NSMCE2: variants seen among roughly 807,000 people sequenced by gnomAD.
NSMCE2 encodes the protein E3 SUMO-protein ligase NSE2.
In NSMCE2, 24 loss-of-function variants were observed where a neutral mutation model predicts 23.8. The ratio of observed to expected loss-of-function variants is 1.01; its 90% CI spans 0.73 to 1.42. The LOEUF (loss-of-function observed/expected upper bound fraction) is 1.42. NSMCE2 is among the 40% of genes most tolerant of loss of function. The probability of loss-of-function intolerance (pLI) is 0.00; values close to 1 mark genes in which losing one functional copy is unlikely to be tolerated. For missense variants in NSMCE2, 284 were observed against 296.5 expected (o/e 0.96, Z 0.31); for synonymous variants, 92 against 94.1 (o/e 0.98, Z 0.13).
intron 5 of NSMCE2, among the ~76,000 whole-genome samples, chr8:125,319,013 G>A (rs191869248): frequency 8.1e-4 from 123 of 152,280 alleles, no homozygotes; most frequent in Middle Eastern, 3.4e-3. Context: ...CAAGGCCAGG[G>A]AAAGAGCTAT....
At chr8:125,286,065 C>A (rs1827881859) in intron 5 of NSMCE2, among the ~76,000 whole-genome samples, 1 of 151,858 alleles carries the variant, frequency 6.6e-6, no homozygotes, top group African/African-American at 2.4e-5. Flanking sequence ...CCCTCCAGTG[C>A]CTGGGAGAGT....
At chr8:125,190,193 G>A (rs975407301) in intron 5 of NSMCE2, among the ~76,000 whole-genome samples, 1 of 152,102 alleles carries the variant, frequency 6.6e-6, no homozygotes, top group African/African-American at 2.4e-5. Flanking sequence ...CCTCCTCTCT[G>A]AGTCAGCATC....
At chr8:125,245,411 A>G (rs547532812) in intron 5 of NSMCE2, among the ~76,000 whole-genome samples, 38 of 152,208 alleles carry the variant, frequency 2.5e-4, no homozygotes, top group Non-Finnish European at 4.1e-4. Context: ...AAAGAAACTT[A>G]TCTATAACAC....
chr8:125,168,710 A>G (rs1822022901), intron 4 of NSMCE2, among the ~76,000 whole-genome samples: 1 of 152,164 alleles, frequency 6.6e-6, no homozygotes, highest in Non-Finnish European at 1.5e-5. Flanking sequence ...TCCTAATACC[A>G]TCACCTTAAG....
intron 3 of NSMCE2, chr8:125,130,210 C>T: frequency 2.2e-6 from 1 of 455,084 alleles, no homozygotes. Context: ...ATTTGCGTTA[C>T]AGGTTTTTGG....
intron 4 of NSMCE2, among the ~76,000 whole-genome samples, chr8:125,164,558 G>A (rs1821777591): frequency 6.6e-6 from 1 of 152,122 alleles, no homozygotes; most frequent in African/African-American, 2.4e-5. Context: ...TGTGGCGTGT[G>A]TTAGAGAGGG....
At chr8:125,230,903 T>C (rs770426130) in intron 5 of NSMCE2, among the ~76,000 whole-genome samples, 1 of 152,190 alleles carries the variant, frequency 6.6e-6, no homozygotes, top group Non-Finnish European at 1.5e-5. Flanking sequence ...CAGGGTTTGC[T>C]TACTCTTCAC....
chr8:125,202,593 G>T lies in NSMCE2; in HGVS notation c.418+20337G>T, dbSNP rs186500697. On this transcript the variant is annotated intron_variant, in intron 5 of 7. Transcript: ENST00000287437. ...ATAATGCTAACTAGCCCACAGAGTT[G>T]TTTATGGGTTAAATCAAATATTATA... Among the ~76,000 whole-genome samples, 54 of 152,292 alleles carry T rather than the reference G, an allele frequency of 3.5e-4. 1 individual carries two copies. Among genetic ancestry groups the T allele is most frequent in the Non-Finnish European group, 2.9e-5 (2 of 68,018 alleles).
At chr8:125,166,031 A>G (rs1019727000) in intron 4 of NSMCE2, among the ~76,000 whole-genome samples, 1 of 152,142 alleles carries the variant, frequency 6.6e-6, no homozygotes, top group African/African-American at 2.4e-5. Flanking sequence ...GTTGGGTGAG[A>G]TGTGATAACA....
intron 5 of NSMCE2, among the ~76,000 whole-genome samples, chr8:125,189,922 A>G (rs940132793): frequency 1.8e-4 from 28 of 152,204 alleles, no homozygotes; most frequent in African/African-American, 6.8e-4. Flanking sequence ...ATTCAAACAA[A>G]TTGATGAAGT....
intron 3 of NSMCE2, among the ~76,000 whole-genome samples, chr8:125,143,515 T>C (rs1383036945): frequency 6.6e-6 from 1 of 152,218 alleles, no homozygotes; most frequent in African/African-American, 2.4e-5. Flanking sequence ...ATGAGTCATG[T>C]TGAATTGGAG....
At chr8:125,329,971 C>G (rs1829810776) in intron 5 of NSMCE2, among the ~76,000 whole-genome samples, 2 of 152,068 alleles carry the variant, frequency 1.3e-5, no homozygotes, top group South Asian at 4.1e-4. Flanking sequence ...CTCCAGCCCC[C>G]TCCGAAAGAA....
At chr8:125,221,850 A>G (rs1824872812) in intron 5 of NSMCE2, among the ~76,000 whole-genome samples, 1 of 152,166 alleles carries the variant, frequency 6.6e-6, no homozygotes, top group Admixed American at 6.5e-5. Context: ...GTATTCAGAA[A>G]GTTTTGGATT....
intron 5 of NSMCE2, among the ~76,000 whole-genome samples, chr8:125,211,326 G>A (rs898336196): frequency 6.6e-6 from 1 of 152,142 alleles, no homozygotes; most frequent in African/African-American, 2.4e-5. Flanking sequence ...AATAGTCTCT[G>A]TGTTGCACAG....
chr8:125,257,659 G>A (rs980352443), intron 5 of NSMCE2, among the ~76,000 whole-genome samples: 1 of 149,634 alleles, frequency 6.7e-6, no homozygotes, highest in Non-Finnish European at 1.5e-5. Flanking sequence ...TCAGCCTCCC[G>A]AGTAGCTGGG....
At chr8:125,305,793 A>G (rs1404186972) in intron 5 of NSMCE2, among the ~76,000 whole-genome samples, 1 of 152,208 alleles carries the variant, frequency 6.6e-6, no homozygotes, top group South Asian at 2.1e-4. Flanking sequence ...GCTTTGGTGT[A>G]TAAATTTTTA....
intron 3 of NSMCE2, among the ~76,000 whole-genome samples, chr8:125,102,926 C>G (rs922578149): frequency 2.0e-5 from 3 of 152,156 alleles, no homozygotes; most frequent in African/African-American, 7.2e-5. Context: ...AAAAGTTCAA[C>G]TTTAATGAAT....
At chr8:125,286,698 A>T (rs923416199) in intron 5 of NSMCE2, among the ~76,000 whole-genome samples, 1 of 151,158 alleles carries the variant, frequency 6.6e-6, no homozygotes, top group Non-Finnish European at 1.5e-5. Context: ...ATGTCCATGA[A>T]CTTGCTTAAG....
intron 5 of NSMCE2, among the ~76,000 whole-genome samples, chr8:125,228,818 G>C (rs1262497167): frequency 3.3e-5 from 5 of 152,124 alleles, no homozygotes; most frequent in Non-Finnish European, 5.9e-5. Flanking sequence ...AAGTAGCTTA[G>C]CTCATTGAAT....
Sources: allele counts gnomAD v4.1 joint callset (sites outside exome capture counted in the v4.1 genomes callset), GRCh38; gene constraint gnomAD v4.1.1; transcripts MANE v1.5; gene names NCBI Gene and HGNC (gene_info 2026-07-23, HGNC 2026-07-21).